Variants in CLVS1 observed in about 807,000 individuals in gnomAD.
CLVS1 encodes clavesin-1.
In CLVS1, 10 loss-of-function variants were observed where a neutral mutation model predicts 33.1. That is an observed-to-expected ratio of 0.30 (90% confidence interval 0.19 to 0.51). The LOEUF is 0.51. CLVS1 is among the 20% of genes least tolerant of loss of function. The probability of loss-of-function intolerance (pLI) is 0.97; values close to 1 mark genes in which losing one functional copy is unlikely to be tolerated. For synonymous variants in CLVS1, 163 were observed against 166.1 expected, an observed-to-expected ratio of 0.98 and a Z score of 0.14; for missense variants, 343 against 433.4, an observed-to-expected ratio of 0.79 and a Z score of 1.85.
rs565919040 is a variant in CLVS1, at chr8:61,239,567, T to C, written c.-151-60110T>C. On this transcript the variant is annotated intron_variant, in intron 2 of 2. Coordinates refer to the CLVS1 transcript ENST00000522621. ...TGGGCAACGTGGTAAGACCCCTGTA[T>C]CTACAAAACAATTTAAAAATTAGCT... 7.6e-3 allele frequency among the ~76,000 whole-genome samples: 1,159 copies of C among 152,032 alleles called. 16 individuals carry two copies. The highest frequency in any genetic ancestry group is 0.026 in the African/African-American group (1,085 of 41,440).
intron 2 of CLVS1, among the ~76,000 whole-genome samples, chr8:61,203,469 T>C (rs1409320997): frequency 3.9e-5 from 6 of 152,070 alleles, no homozygotes; most frequent in South Asian, 2.1e-4. Flanking sequence ...GACACAGTAG[T>C]AGCGGTGGTC....
chr8:61,172,962 A>G (rs967303884), intron 2 of CLVS1, among the ~76,000 whole-genome samples: 2 of 152,194 alleles, frequency 1.3e-5, no homozygotes, highest in African/African-American at 4.8e-5. Context: ...GAACTAAGTT[A>G]CATGGGTTTA....
chr8:61,039,469 C>A, the CLVS1 span, among the ~76,000 whole-genome samples: 10 of 152,148 alleles, frequency 6.6e-5, no homozygotes, highest in Non-Finnish European at 4.4e-5. Context: ...TCTGAAGGCT[C>A]AGTACATGGC....
chr8:61,009,693 T>C, the CLVS1 span, among the ~76,000 whole-genome samples: 1 of 152,242 alleles, frequency 6.6e-6, no homozygotes, highest in African/African-American at 2.4e-5. Flanking sequence ...TATTTTGTCA[T>C]GCAAATTTTA....
At chr8:61,271,488 T>A (rs1024464133) in intron 2 of CLVS1, among the ~76,000 whole-genome samples, 4 of 149,024 alleles carry the variant, frequency 2.7e-5, no homozygotes, top group African/African-American at 1.0e-4. Flanking sequence ...AAATGTATAT[T>A]CTGTTGATTT....
At chr8:61,337,121 G>T (rs1202955076) in intron 2 of CLVS1, among the ~76,000 whole-genome samples, 2 of 152,152 alleles carry the variant, frequency 1.3e-5, no homozygotes, top group African/African-American at 4.8e-5. Flanking sequence ...TTGACTACAA[G>T]ATCAGGGAAA....
At chr8:61,122,728 C>T (rs1163093535) in intron 1 of CLVS1, among the ~76,000 whole-genome samples, 1 of 152,066 alleles carries the variant, frequency 6.6e-6, no homozygotes, top group Admixed American at 6.6e-5. Context: ...TGCAACTGCC[C>T]AGGGGTTAGT....
At chr8:61,042,728 T>C in the CLVS1 span, among the ~76,000 whole-genome samples, 2 of 152,202 alleles carry the variant, frequency 1.3e-5, no homozygotes, top group African/African-American at 2.4e-5. Flanking sequence ...TTATAGGTTA[T>C]TACTTTATAA....
chr8:61,412,042 A>G (rs1317644072), intron 3 of CLVS1, among the ~76,000 whole-genome samples: 1 of 152,154 alleles, frequency 6.6e-6, no homozygotes, highest in Non-Finnish European at 1.5e-5. Context: ...AGGGCTGGCC[A>G]GTGGATGGAG....
intron 2 of CLVS1, among the ~76,000 whole-genome samples, chr8:61,138,156 C>T (rs1411917387): frequency 6.6e-6 from 1 of 151,936 alleles, no homozygotes; most frequent in Non-Finnish European, 1.5e-5. Context: ...AGAGTGTGCC[C>T]GTCAGGAAAG....
intron 2 of CLVS1, among the ~76,000 whole-genome samples, chr8:61,375,512 A>C (rs995131560): frequency 2.0e-5 from 3 of 152,084 alleles, no homozygotes; most frequent in Admixed American, 2.0e-4. Flanking sequence ...CGGCCTCTAA[A>C]AGTCCTGGGA....
the CLVS1 span, among the ~76,000 whole-genome samples, chr8:61,022,771 G>A: frequency 2.6e-5 from 4 of 152,330 alleles, no homozygotes; most frequent in East Asian, 1.9e-4. Flanking sequence ...CAGTTACGCT[G>A]AAAACAATAG....
chr8:61,456,677 G>C (rs1416962114), intron 4 of CLVS1, among the ~76,000 whole-genome samples: 2 of 152,042 alleles, frequency 1.3e-5, no homozygotes. Flanking sequence ...AGCACTTTGG[G>C]AGGCCGAGGC....
intron 2 of CLVS1, among the ~76,000 whole-genome samples, chr8:61,232,041 T>TTTTTTTTTTTTTTTGTTTTG (rs1554548394): frequency 5.2e-5 from 6 of 116,004 alleles, no homozygotes; most frequent in South Asian, 2.8e-4. Context: ...TTTTTTTTTT[T>TTTTTTTTTTTTTTTGTTTTG]TTTTTTTTTG....
At chr8:61,296,281 T>A (rs745916846) in intron 1 of CLVS1, among the ~76,000 whole-genome samples, 2 of 152,214 alleles carry the variant, frequency 1.3e-5, no homozygotes, top group Non-Finnish European at 2.9e-5. Context: ...GAGCACAGAA[T>A]AAAGATATAG....
intron 3 of CLVS1, among the ~76,000 whole-genome samples, chr8:61,379,874 T>C (rs1290325760): frequency 6.6e-6 from 1 of 152,144 alleles, no homozygotes; most frequent in East Asian, 1.9e-4. Flanking sequence ...CACACAGCGC[T>C]CAGTCACTGT....
At chr8:61,070,427 A>G (rs866438845) in intron 1 of CLVS1, among the ~76,000 whole-genome samples, 3 of 152,238 alleles carry the variant, frequency 2.0e-5, no homozygotes, top group South Asian at 2.1e-4. Context: ...TCCTAAGGGC[A>G]ACCAGCATTT....
At chr8:61,366,395 T>G (rs1309297007) in intron 2 of CLVS1, among the ~76,000 whole-genome samples, 1 of 152,232 alleles carries the variant, frequency 6.6e-6, no homozygotes, top group African/African-American at 2.4e-5. Flanking sequence ...TACATTAACC[T>G]TATGTGAATG....
At chr8:61,040,145 A>G in the CLVS1 span, among the ~76,000 whole-genome samples, 1 of 152,210 alleles carries the variant, frequency 6.6e-6, no homozygotes, top group Non-Finnish European at 1.5e-5. Flanking sequence ...ACCTCCAGCT[A>G]CATCCATATT....
Sources: gnomAD v4.1 joint callset for allele counts (sites outside exome capture counted in the v4.1 genomes callset) on GRCh38, gnomAD v4.1.1 for gene constraint, MANE v1.5 for transcripts, NCBI Gene and HGNC (gene_info 2026-07-23, HGNC 2026-07-21) for gene names.